The following PIP4K2A variants were observed in gnomAD, a reference collection of about 807,000 sequenced individuals.
PIP4K2A encodes the protein phosphatidylinositol-5-phosphate 4-kinase type 2 alpha.
Under a neutral mutation model 42.9 loss-of-function variants are expected in PIP4K2A, and 14 were observed. That is an observed-to-expected ratio of 0.33 (90% CI 0.22 to 0.51). PIP4K2A has a LOEUF of 0.51. PIP4K2A is among the 20% of genes least tolerant of loss of function. The pLI is 0.97. For synonymous variants in PIP4K2A, 192 were observed against 192.2 expected (o/e 1.00, Z 0.01); for missense variants, 434 against 519.8 (o/e 0.83, Z 1.61).
intron 1 of PIP4K2A, among the ~76,000 whole-genome samples, chr10:22,710,539 C>G (rs970549132): frequency 1.3e-5 from 2 of 152,330 alleles, no homozygotes; most frequent in Admixed American, 1.3e-4. Context: ...CGTTCATTCC[C>G]TGCTCTGTGG....
chr10:22,571,659 A>T (rs1836990784), intron 5 of PIP4K2A, among the ~76,000 whole-genome samples: 1 of 152,232 alleles, frequency 6.6e-6, no homozygotes, highest in South Asian at 2.1e-4. Context: ...CAGATTTCAT[A>T]ATGTAACTAA....
intron 4 of PIP4K2A, among the ~76,000 whole-genome samples, chr10:22,589,880 AG>A (rs1161105993): frequency 6.6e-6 from 1 of 152,210 alleles, no homozygotes; most frequent in African/African-American, 2.4e-5. Flanking sequence ...GAGCTATTTA[AG>A]TTAAAAACAC....
chr10:22,714,128 C>T, intron 1 of PIP4K2A, 55 bp downstream of exon 1: 1 of 1,522,730 alleles, frequency 6.6e-7, no homozygotes, highest in African/African-American at 1.4e-5. Flanking sequence ...AGGAGGGGAA[C>T]GAGGAGGAAG....
At chr10:22,556,133 A>G (rs1836538310) in intron 6 of PIP4K2A, among the ~76,000 whole-genome samples, 1 of 152,226 alleles carries the variant, frequency 6.6e-6, no homozygotes, top group South Asian at 2.1e-4. Context: ...GTCACTGCAC[A>G]CTGCACACAA....
chr10:22,641,507 T>C (rs536480846), intron 1 of PIP4K2A, among the ~76,000 whole-genome samples: 11 of 152,042 alleles, frequency 7.2e-5, no homozygotes, highest in African/African-American at 1.2e-4. Flanking sequence ...AGTGGCACAA[T>C]CATAGCTCAC....
rs182220927 is a variant in PIP4K2A at position 22,573,989 on chromosome 10, T to C, written c.493-532A>G. Among the ~76,000 whole-genome samples, 55 of 152,366 alleles carry C rather than the reference T, an allele frequency of 3.6e-4. No homozygotes were observed. The East Asian group carries it at 9.1e-3, about 25-fold the overall frequency. On this transcript the variant is annotated intron_variant, in intron 4 of 9. Coordinates refer to ENST00000376573, the MANE Select transcript of PIP4K2A (RefSeq NM_005028.5). ...GAGAAGGGGGCAACCCCTGTGACCA[T>C]AGCACCCTCGCTCCTGCTCTGCCGG...
intron 3 of PIP4K2A, among the ~76,000 whole-genome samples, chr10:22,598,130 G>A (rs12254366): frequency 0.18 from 27,343 of 152,192 alleles, 3,878 homozygotes; most frequent in African/African-American, 0.4. Context: ...GGCTGAGGTG[G>A]GAAGATCACT....
intron 8 of PIP4K2A, among the ~76,000 whole-genome samples, chr10:22,540,573 T>C (rs1564411502): frequency 6.6e-6 from 1 of 152,212 alleles, no homozygotes; most frequent in Admixed American, 6.5e-5. Flanking sequence ...TTTTCTTTTT[T>C]TGAGACAGAG....
Position 22,607,950 on chromosome 10 carries a change from C to G in PIP4K2A, c.316G>C (p.Gly106Arg). 6.2e-7 allele frequency: 1 copy of G among 1,612,666 alleles called. No homozygotes were observed. The highest frequency in any genetic ancestry group is 8.5e-7 in the Non-Finnish European group (1 of 1,178,856). ...ACCTGGAAATCTTGATCATCAATTC[C>G]AAACCTCTCCCGCAGGTTACGGAAG... Reference protein sequence around the residue: ...MVFRNLRERFGIDDQDFQNSL... With the variant: ...MVFRNLRERFRIDDQDFQNSL... The change falls in exon 3 of 10, where the codon GGA becomes CGA. Residue 106 changes from glycine (G) to arginine (R), a missense_variant. By Grantham distance (125) the Gly-to-Arg change is moderately radical (BLOSUM62 -2). Transcript: ENST00000376573.
chr10:22,609,709 T>G lies in PIP4K2A; in HGVS notation c.153A>C (p.Glu51Asp). The change falls in exon 2 of 10, where the codon GAA (glutamate) becomes GAC (aspartate). Residue 51 changes from glutamate (E) to aspartate (D), a missense_variant. Glu to Asp is a conservative substitution (Grantham distance 45). Coordinates refer to ENST00000376573, the MANE Select transcript of PIP4K2A (RefSeq NM_005028.5). The part of the protein sequence containing the change: ...LMWGVNHSIN[E>D]LSHVQIPVML... ...TAACAGGGATTTGAACATGGCTCAGTTCATTGATCTGGAAAAATATAAAAT... is the reference window on the plus strand; with the variant it reads ...TAACAGGGATTTGAACATGGCTCAGGTCATTGATCTGGAAAAATATAAAAT... 6.3e-7 allele frequency: 1 copy of G among 1,592,164 alleles called. No individual in the cohort carries two copies. The highest frequency in any genetic ancestry group is 8.6e-7 in the Non-Finnish European group (1 of 1,162,500).
chr10:22,642,036 C>T (rs1212006822), intron 1 of PIP4K2A: 2 of 152,252 alleles, frequency 1.3e-5, no homozygotes, highest in Non-Finnish European at 2.9e-5. Flanking sequence ...AAAGAATGGA[C>T]ACAGTCACTG....
intron 3 of PIP4K2A, among the ~76,000 whole-genome samples, chr10:22,607,628 TA>T (rs1181920933): frequency 6.6e-6 from 1 of 152,140 alleles, no homozygotes; most frequent in African/African-American, 2.4e-5. Context: ...GCAGCTCTGC[TA>T]GCCTGTTAAT....
chr10:22,618,887 C>T lies in PIP4K2A; in HGVS notation c.145-9170G>A, dbSNP rs185673252. Among the ~76,000 whole-genome samples, 26 of 152,262 alleles carry T rather than the reference C, an allele frequency of 1.7e-4. No homozygotes were observed. In the East Asian group the frequency reaches 4.4e-3, roughly 26 times the overall value. Reference sequence around the variant, plus strand: ...TGGGGAAACTACGACTATTTATACACCAAAGTTCATATTTTTGATGTGTAT... The same window carrying T: ...TGGGGAAACTACGACTATTTATACATCAAAGTTCATATTTTTGATGTGTAT... On this transcript the variant is annotated intron_variant, in intron 1 of 9. Coordinates refer to ENST00000376573, the MANE Select transcript of PIP4K2A (RefSeq NM_005028.5).
chr10:22,685,731 C>T (rs140449094), intron 1 of PIP4K2A, among the ~76,000 whole-genome samples: 189 of 151,920 alleles, frequency 1.2e-3, no homozygotes, highest in African/African-American at 4.4e-3. Flanking sequence ...AAAGAGACAA[C>T]AGAAGAGAAG....
chr10:22,624,656 G>A (rs1838398189), intron 1 of PIP4K2A, among the ~76,000 whole-genome samples: 1 of 152,114 alleles, frequency 6.6e-6, no homozygotes, highest in Non-Finnish European at 1.5e-5. Context: ...GGTCAGAGGT[G>A]CTTCTCAGTA....
At chr10:22,618,820 C>A (rs954640022) in intron 1 of PIP4K2A, among the ~76,000 whole-genome samples, 2 of 152,208 alleles carry the variant, frequency 1.3e-5, no homozygotes, top group African/African-American at 4.8e-5. Flanking sequence ...TACGACCTCT[C>A]CTTCAGAATA....
At chr10:22,686,391 A>T (rs1356425857) in intron 1 of PIP4K2A, among the ~76,000 whole-genome samples, 4 of 152,214 alleles carry the variant, frequency 2.6e-5, no homozygotes, top group Non-Finnish European at 5.9e-5. Context: ...GTAGGCATCA[A>T]AAAGACTTTT....
chr10:22,580,610 C>A (rs1252552712), intron 4 of PIP4K2A, among the ~76,000 whole-genome samples: 1 of 151,988 alleles, frequency 6.6e-6, no homozygotes. Flanking sequence ...TTAAAGCATC[C>A]TATCTATTAC....
intron 1 of PIP4K2A, among the ~76,000 whole-genome samples, chr10:22,709,042 C>T (rs548691159): frequency 6.6e-6 from 1 of 152,276 alleles, no homozygotes; most frequent in African/African-American, 2.4e-5. Flanking sequence ...CCTCAGCCTC[C>T]CAATGCATGA....
Sources: gnomAD v4.1 joint callset for allele counts (sites outside exome capture counted in the v4.1 genomes callset) on GRCh38, gnomAD v4.1.1 for gene constraint, MANE v1.5 for transcripts, NCBI Gene and HGNC (gene_info 2026-07-23, HGNC 2026-07-21) for gene names.